The following CCDC88A variants were observed in gnomAD, a reference collection of about 807,000 sequenced individuals.
CCDC88A encodes the protein girdin.
In CCDC88A, 54 loss-of-function variants were observed where a neutral mutation model predicts 234.3. The ratio of observed to expected loss-of-function variants is 0.23; its 90% CI spans 0.19 to 0.29. The LOEUF (loss-of-function observed/expected upper bound fraction) is 0.29, where lower values mean the gene tolerates loss of function less well. Ranked by LOEUF, CCDC88A falls within the 10% of genes least tolerant of loss-of-function variation. The probability of loss-of-function intolerance (pLI) is 1.00; values close to 1 mark genes in which losing one functional copy is unlikely to be tolerated. For missense variants in CCDC88A, 1,832 were observed against 2,123.4 expected (o/e 0.86, Z 2.70); for synonymous variants, 753 against 737.8 (o/e 1.02, Z -0.33).
rs141873590 is a variant in CCDC88A at position 55,299,375 on chromosome 2, T to C, written c.4825+464A>G. On this transcript the variant is annotated intron_variant, in intron 29 of 32. Transcript: ENST00000436346. ...TCCTTATATGAGCCAAATGCATTCA[T>C]ATAGTTCTTGTTCAATATATATATA... 9.9e-3 allele frequency among the ~76,000 whole-genome samples: 1,504 copies of C among 152,344 alleles called. 9 individuals are homozygous for C. Among genetic ancestry groups the C allele is most frequent in the Admixed American group, 0.015 (230 of 15,308 alleles).
intron 18 of CCDC88A, among the ~76,000 whole-genome samples, chr2:55,321,804 G>A (rs1057096568): frequency 6.6e-6 from 1 of 151,802 alleles, no homozygotes; most frequent in Non-Finnish European, 1.5e-5. Context: ...AAATTTTCTA[G>A]GAAGATAAAC....
In CCDC88A at chr2:55,302,930, T is replaced by C. The variant is rs1232314394; in HGVS notation, c.4471+139A>G. The stretch of plus-strand genomic sequence containing the variant: ...CAGTGCCACTTGAAAAAAAAAATTC[T>C]TCTAGCTCCTTATATTAGAGGAAGA... On this transcript the variant is annotated intron_variant, in intron 26 of 32. Transcript: ENST00000436346. 45 of 605,778 alleles carry C rather than the reference T, an allele frequency of 7.4e-5. No homozygotes were observed. In the South Asian group the frequency reaches 9.1e-4, roughly 12 times the overall value. 37.5% of individuals were successfully genotyped at this position (605,778 alleles called of 1,614,324 possible).
chr2:55,382,835 C>T (rs1008476404), intron 3 of CCDC88A, among the ~76,000 whole-genome samples: 2 of 152,082 alleles, frequency 1.3e-5, no homozygotes, highest in Admixed American at 1.3e-4. Flanking sequence ...TCTCATATTA[C>T]TACTTCATTA....
chr2:55,355,428 T>C (rs994855466), intron 8 of CCDC88A, 151 bp downstream of exon 8: 11 of 656,080 alleles, frequency 1.7e-5, no homozygotes, highest in South Asian at 3.7e-5. Context: ...GATTTAACAA[T>C]AGGAAAACCT....
chr2:55,297,263 ATTTT>A (rs1198190959), intron 29 of CCDC88A: 1 of 62,200 alleles, frequency 1.6e-5, no homozygotes, highest in Non-Finnish European at 3.5e-5. Context: ...TCTAATGTGT[ATTTT>A]TATATATATT....
chr2:55,341,422 G>A (rs1317535906), intron 12 of CCDC88A, among the ~76,000 whole-genome samples: 1 of 149,206 alleles, frequency 6.7e-6, no homozygotes, highest in African/African-American at 2.5e-5. Flanking sequence ...ACAGGTGTGA[G>A]CCACCATGCC....
Position 55,347,410 on chromosome 2 carries a change from C to A in CCDC88A, c.883-1077G>T, listed in dbSNP as rs192465049. Among the ~76,000 whole-genome samples, 209 of 152,022 alleles carry A rather than the reference C, an allele frequency of 1.4e-3. 5 individuals carry two copies. The South Asian group carries it at 0.026, about 19-fold the overall frequency. ...TCTCATGAGGGCAGAGTAAAGTTTTCCAGAGGCTACATGGTGTGTGACATC... is the reference window on the plus strand; with the variant it reads ...TCTCATGAGGGCAGAGTAAAGTTTTACAGAGGCTACATGGTGTGTGACATC... On this transcript the variant is annotated intron_variant, in intron 9 of 32. Transcript: ENST00000436346.
At chr2:55,346,884 G>A (rs1362847533) in intron 9 of CCDC88A, among the ~76,000 whole-genome samples, 5 of 151,296 alleles carry the variant, frequency 3.3e-5, no homozygotes, top group African/African-American at 4.9e-5. Context: ...TAAAAAAATC[G>A]AAGTATTTTA....
chr2:55,403,687 T>G (rs1054920408), intron 2 of CCDC88A: 4 of 152,268 alleles, frequency 2.6e-5, no homozygotes, highest in African/African-American at 9.6e-5. Context: ...GGGTCTGATC[T>G]CATTTGAGAA....
At chr2:55,316,593 G>C (rs1558655020) in intron 21 of CCDC88A, among the ~76,000 whole-genome samples, 1 of 152,076 alleles carries the variant, frequency 6.6e-6, no homozygotes, top group Non-Finnish European at 1.5e-5. Context: ...AAATTAGCTA[G>C]GCATGGTGGT....
Position 55,317,297 on chromosome 2 carries a change from G to T in CCDC88A, c.3655C>A (p.Leu1219Ile). The T allele has an allele frequency of 6.5e-7, 1 of 1,542,850 alleles. No individual in the cohort carries two copies. ...KGQLEDLEKM[L>I]KVEQEKMLLE... ...AGCATTTTTTCCTGTTCTACTTTGAGCATTTTTTCCAAATCTTCCAACTGT... is the reference window on the plus strand; with the variant it reads ...AGCATTTTTTCCTGTTCTACTTTGATCATTTTTTCCAAATCTTCCAACTGT... Residue 1219 changes from leucine (L) to isoleucine (I), a missense_variant, in exon 21 of 33, where the codon CTC becomes ATC. Physicochemically the swap from Leu to Ile is conservative, Grantham distance 5. Transcript: ENST00000436346. This position sits in a 1 kb window ranked among gnomAD's most constrained non-coding sequence, Gnocchi z 4.2.
intron 29 of CCDC88A, among the ~76,000 whole-genome samples, chr2:55,299,199 G>T (rs1033651694): frequency 6.6e-6 from 1 of 152,096 alleles, no homozygotes; most frequent in Non-Finnish European, 1.5e-5. Context: ...GTGAGACTCC[G>T]TCTCAAAACA....
intron 16 of CCDC88A, among the ~76,000 whole-genome samples, chr2:55,331,289 C>T (rs1475740681): frequency 6.6e-6 from 1 of 152,140 alleles, no homozygotes; most frequent in Non-Finnish European, 1.5e-5. Flanking sequence ...AAAATATTTC[C>T]TCATGAAATA....
intron 2 of CCDC88A, among the ~76,000 whole-genome samples, chr2:55,407,187 C>T (rs941543401): frequency 6.6e-5 from 10 of 151,066 alleles, no homozygotes; most frequent in Non-Finnish European, 1.3e-4. Flanking sequence ...GCATTCCAGC[C>T]TGGGCAACAG....
chr2:55,386,400 GA>G (rs1675639129), intron 3 of CCDC88A, among the ~76,000 whole-genome samples: 1 of 143,612 alleles, frequency 7.0e-6, no homozygotes, highest in Non-Finnish European at 1.5e-5. Flanking sequence ...AGACGTTCAA[GA>G]CCAGCCTGGG....
At chr2:55,402,738 G>C (rs371887726) in intron 2 of CCDC88A, among the ~76,000 whole-genome samples, 1 of 151,630 alleles carries the variant, frequency 6.6e-6, no homozygotes, top group African/African-American at 2.4e-5. Flanking sequence ...GGCCAGGCGT[G>C]GTGGCTCATG....
intron 5 of CCDC88A, 94 bp downstream of exon 5, chr2:55,372,358 A>G (rs1441787443): frequency 3.3e-6 from 2 of 601,808 alleles, no homozygotes; most frequent in South Asian, 2.7e-5. Context: ...TTGAAAACCA[A>G]TGGTCCATCC....
intron 2 of CCDC88A, among the ~76,000 whole-genome samples, chr2:55,396,449 G>C (rs1345352085): frequency 6.6e-6 from 1 of 152,008 alleles, no homozygotes; most frequent in Non-Finnish European, 1.5e-5. Flanking sequence ...AGAGATACCT[G>C]GTTTCACCAT....
chr2:55,316,269 T>C (rs1444480126), intron 21 of CCDC88A, among the ~76,000 whole-genome samples, 155 bp from the exon 22 acceptor site: 1 of 152,246 alleles, frequency 6.6e-6, no homozygotes, highest in African/African-American at 2.4e-5. Flanking sequence ...GTTTCTATTC[T>C]GTAAAAACTA....
Sources: allele counts gnomAD v4.1 joint callset (sites outside exome capture counted in the v4.1 genomes callset), GRCh38; gene constraint gnomAD v4.1.1; non-coding constraint Gnocchi (gnomAD v3.1); transcripts MANE v1.5; gene names NCBI Gene and HGNC (gene_info 2026-07-23, HGNC 2026-07-21).